The following RGS17 variants were observed in gnomAD, a reference collection of about 807,000 sequenced individuals.
The protein encoded by RGS17 is regulator of G-protein signaling 17.
A neutral mutation model predicts 25.5 loss-of-function variants in RGS17; 12 were observed. That is an observed-to-expected ratio of 0.47 (90% confidence interval 0.30 to 0.76). The LOEUF is 0.76. RGS17 is among the 30% of genes least tolerant of loss of function. The pLI is 0.07. For missense variants in RGS17, 196 were observed against 242.2 expected (o/e 0.81, Z 1.27); for synonymous variants, 71 against 76.9 (o/e 0.92, Z 0.40).
chr6:153,074,649 A>G (rs1323771798), intron 1 of RGS17, among the ~76,000 whole-genome samples: 3 of 152,208 alleles, frequency 2.0e-5, no homozygotes, highest in Non-Finnish European at 4.4e-5. Context: ...TGCCAGGTAT[A>G]TAGATGTTAT....
In RGS17 at chr6:153,062,086, C is replaced by T. The variant is rs13211255; in HGVS notation, c.-25-18043G>A. On this transcript the variant is annotated intron_variant, in intron 1 of 4. Transcript: ENST00000206262. ...AAGGTGGAGCAAGATGGCAGATCCC[C>T]GTGCCTCCCGCCCACCCCACCCTTC... Among the ~76,000 whole-genome samples the T allele has an allele frequency of 3.3e-5, 5 of 152,080 alleles. No homozygotes were observed. The East Asian group carries it at 5.8e-4, about 18-fold the overall frequency.
Position 153,103,624 on chromosome 6 carries a change from C to A in RGS17, c.-26+27500G>T, listed in dbSNP as rs80292134. Among the ~76,000 whole-genome samples the A allele has an allele frequency of 0.019, 2,901 of 152,270 alleles. 326 individuals are homozygous for A. In the South Asian group the frequency reaches 0.26, roughly 13 times the overall value. ...TGAGGCAAACACACAGGTAGAGAGACCCCGAAAAACCAAATGCCAGCCTAT... is the reference window on the plus strand; with the variant it reads ...TGAGGCAAACACACAGGTAGAGAGAACCCGAAAAACCAAATGCCAGCCTAT... On this transcript the variant is annotated intron_variant, in intron 1 of 4. Coordinates refer to ENST00000206262, the MANE Select transcript of RGS17 (RefSeq NM_012419.5).
At chr6:153,027,963 T>C (rs1205027455) in intron 2 of RGS17, among the ~76,000 whole-genome samples, 2 of 152,156 alleles carry the variant, frequency 1.3e-5, no homozygotes, top group African/African-American at 4.8e-5. Flanking sequence ...TAATTCCTTC[T>C]TTCATTCTCA....
chr6:153,015,313 C>G (rs1293478289), intron 4 of RGS17, among the ~76,000 whole-genome samples: 1 of 152,218 alleles, frequency 6.6e-6, no homozygotes, highest in African/African-American at 2.4e-5. Context: ...AGAAGCTCTA[C>G]TGTGGGTAAA....
chr6:153,077,904 C>T (rs542674211), intron 1 of RGS17, among the ~76,000 whole-genome samples: 6 of 150,822 alleles, frequency 4.0e-5, no homozygotes, highest in East Asian at 3.9e-4. Flanking sequence ...GACAGAGACT[C>T]GCTCCATCAC....
intron 2 of RGS17, among the ~76,000 whole-genome samples, chr6:153,037,499 C>T (rs1303812334): frequency 6.6e-6 from 1 of 151,170 alleles, no homozygotes. Context: ...AATCTTGGCT[C>T]ACTGCAACCT....
intron 4 of RGS17, among the ~76,000 whole-genome samples, chr6:153,017,405 G>A (rs1193257814): frequency 7.2e-5 from 11 of 152,152 alleles, no homozygotes; most frequent in Non-Finnish European, 1.5e-4. Flanking sequence ...TGGAGGTAAA[G>A]CGAGGAGAAT....
At chr6:153,020,195 C>T (rs1426280401) in intron 4 of RGS17, among the ~76,000 whole-genome samples, 2 of 119,740 alleles carry the variant, frequency 1.7e-5, no homozygotes, top group African/African-American at 6.5e-5. Context: ...GCACTTTTGC[C>T]CAGGCTGGAG....
At chr6:153,056,980 T>C (rs146140340) in intron 1 of RGS17, among the ~76,000 whole-genome samples, 8 of 152,082 alleles carry the variant, frequency 5.3e-5, no homozygotes, top group Admixed American at 6.6e-5. Flanking sequence ...ATTAAAAATA[T>C]CTATTTTCCC....
intron 1 of RGS17, among the ~76,000 whole-genome samples, chr6:153,114,919 G>A (rs1158957465): frequency 6.6e-6 from 1 of 152,116 alleles, no homozygotes; most frequent in Non-Finnish European, 1.5e-5. Context: ...AGGTATTGAT[G>A]GAACGTATCT....
At chr6:153,112,831 T>C (rs1182524937) in intron 1 of RGS17, among the ~76,000 whole-genome samples, 1 of 152,134 alleles carries the variant, frequency 6.6e-6, no homozygotes, top group Non-Finnish European at 1.5e-5. Flanking sequence ...CTAAGCTTCA[T>C]AAGCAAAGGA....
At chr6:153,099,548 G>T (rs1777265110) in intron 1 of RGS17, among the ~76,000 whole-genome samples, 1 of 152,286 alleles carries the variant, frequency 6.6e-6, no homozygotes, top group South Asian at 2.1e-4. Flanking sequence ...GAGGAAGTGT[G>T]CATTTTGTCC....
At chr6:153,092,460 C>T (rs1478565688) in intron 1 of RGS17, among the ~76,000 whole-genome samples, 1 of 152,190 alleles carries the variant, frequency 6.6e-6, no homozygotes. Flanking sequence ...TATCAGTTCT[C>T]TAAAGCAACT....
At chr6:153,035,602 A>G (rs913635472) in intron 2 of RGS17, among the ~76,000 whole-genome samples, 2 of 152,238 alleles carry the variant, frequency 1.3e-5, no homozygotes, top group African/African-American at 4.8e-5. Flanking sequence ...GTAGCAAAGA[A>G]GTCAGCCTCA....
In RGS17 at chr6:153,005,061, T is replaced by C. The variant is rs1779059763; in HGVS notation, c.*6513A>G. 1 of 152,174 alleles carries C rather than the reference T, an allele frequency of 6.6e-6. No homozygotes were observed. The highest frequency in any genetic ancestry group is 1.5e-5 in the Non-Finnish European group (1 of 68,012). The allele number at this position is 152,174 out of a possible 1,614,324, so 9.4% of individuals were successfully genotyped here. Reference sequence around the variant, plus strand: ...ATACAAGAAAGGTGTTTATGACAAATCGGTTAAAGCTAGCGGGAAATAGGT... The same window carrying C: ...ATACAAGAAAGGTGTTTATGACAAACCGGTTAAAGCTAGCGGGAAATAGGT... On this transcript the variant is annotated 3_prime_UTR_variant, in exon 5 of 5. Transcript: ENST00000206262.
At chr6:153,095,445 C>T (rs1777194302) in intron 1 of RGS17, among the ~76,000 whole-genome samples, 1 of 151,938 alleles carries the variant, frequency 6.6e-6, no homozygotes, top group Admixed American at 6.6e-5. Flanking sequence ...GAAAAATGCA[C>T]ACTTAAAAAA....
intron 2 of RGS17, among the ~76,000 whole-genome samples, chr6:153,030,696 T>C (rs1452615453): frequency 6.6e-6 from 1 of 152,242 alleles, no homozygotes; most frequent in African/African-American, 2.4e-5. Context: ...TACTTCATTT[T>C]CAGCATTCAA....
intron 1 of RGS17, among the ~76,000 whole-genome samples, chr6:153,053,934 T>C (rs1193025366): frequency 8.3e-5 from 5 of 59,978 alleles, no homozygotes; most frequent in African/African-American, 1.1e-4. Context: ...TGTATATATA[T>C]GTATATATAA....
chr6:153,060,117 G>A (rs1341773233), intron 1 of RGS17, among the ~76,000 whole-genome samples: 1 of 132,224 alleles, frequency 7.6e-6, no homozygotes, highest in Non-Finnish European at 1.6e-5. Flanking sequence ...TGTGATTGGT[G>A]TGCAGGGGAA....
Sources: allele counts gnomAD v4.1 joint callset (sites outside exome capture counted in the v4.1 genomes callset), GRCh38; gene constraint gnomAD v4.1.1; transcripts MANE v1.5; gene names NCBI Gene and HGNC (gene_info 2026-07-23, HGNC 2026-07-21).